TRIM38: variants seen among roughly 807,000 people sequenced by gnomAD.
TRIM38 encodes the protein tripartite motif containing 38.
Under a neutral mutation model 35.8 loss-of-function variants are expected in TRIM38, and 35 were observed. The ratio of observed to expected loss-of-function variants is 0.98; its 90% CI spans 0.75 to 1.30. TRIM38 has a LOEUF of 1.30. TRIM38 is among the 50% of genes most tolerant of loss of function. The pLI is 0.00. For synonymous variants in TRIM38, 198 were observed against 204.7 expected (o/e 0.97, Z 0.28); for missense variants, 545 against 556.9 (o/e 0.98, Z 0.21).
intron 7 of TRIM38, chr6:25,973,734 A>C (rs1760309539): frequency 1.0e-6 from 1 of 985,464 alleles, no homozygotes; most frequent in Non-Finnish European, 1.2e-6. Context: ...ATGCAAGAAA[A>C]GTAGGTGAGT....
Position 25,987,211 on chromosome 6 carries a change from C to CT in TRIM38, c.*3524_*3525insT, listed in dbSNP as rs751872864. The CT allele has an allele frequency of 2.2e-5, 3 of 138,510 alleles. No homozygotes were observed. The highest frequency in any genetic ancestry group is 2.5e-4 in the South Asian group (1 of 3,990). The allele number at this position is 138,510 out of a possible 1,614,324, so 8.6% of individuals were successfully genotyped here. A position where few individuals can be genotyped will look rare whatever the true frequency, so the allele number is the denominator to read the frequency against. ...GCTTAACAAAGGTACTCCCCGCCCC[C>CT]CGCCCGCCACACACCATCCCCAAAA... On this transcript the variant is annotated 3_prime_UTR_variant, in exon 8 of 8. Transcript: ENST00000357085.
Position 25,983,518 on chromosome 6 carries a change from T to G in TRIM38, c.1229T>G (p.Leu410Arg), listed in dbSNP as rs1221661973. 1 of 1,614,096 alleles carries G rather than the reference T, an allele frequency of 6.2e-7. No homozygotes were observed. The change falls in exon 8 of 8, where the codon CTG becomes CGG. Residue 410 changes from leucine (L) to arginine (R), a missense_variant. Leu to Arg is a moderately radical substitution (Grantham distance 102). Coordinates refer to ENST00000357085, the MANE Select transcript of TRIM38 (RefSeq NM_006355.5). ...TCCCTTCATCTGCATGAGCAGCCCC[T>G]GCTTGTGGGAATTTTTCTGGACTAT... The part of the protein sequence containing the change: ...PTSLHLHEQP[L>R]LVGIFLDYEA...
Position 25,968,757 on chromosome 6 carries a change from A to C in TRIM38, c.412-568A>C, listed in dbSNP as rs979451387. ...TGACATGAATACTAAATCATTTTAA[A>C]TTGGATTCATGATACCATTGTTCAA... On this transcript the variant is annotated intron_variant, in intron 3 of 7. Coordinates refer to ENST00000357085, the MANE Select transcript of TRIM38 (RefSeq NM_006355.5). Among the ~76,000 whole-genome samples, 6 of 152,226 alleles carry C rather than the reference A, an allele frequency of 3.9e-5. No individual in the cohort carries two copies. In the East Asian group the frequency reaches 5.8e-4, roughly 15 times the overall value.
chr6:25,963,526 G>A (rs780788600), intron 2 of TRIM38, among the ~76,000 whole-genome samples: 2 of 152,006 alleles, frequency 1.3e-5, no homozygotes, highest in Non-Finnish European at 2.9e-5. Flanking sequence ...ACCTCCTTGG[G>A]TCTGCAAACT....
At chr6:25,977,113 G>GT (rs1407548405) in intron 7 of TRIM38, among the ~76,000 whole-genome samples, 1 of 152,142 alleles carries the variant, frequency 6.6e-6, no homozygotes, top group Non-Finnish European at 1.5e-5. Context: ...TTTTCATCCT[G>GT]TTTTTTGATA....
chr6:25,978,097 T>TACACAC (rs996587948), intron 7 of TRIM38, among the ~76,000 whole-genome samples: 3 of 151,982 alleles, frequency 2.0e-5, no homozygotes, highest in African/African-American at 7.3e-5. Context: ...TATATACACA[T>TACACAC]ACACACATAT....
At chr6:25,973,013 C>A (rs771276197) in intron 5 of TRIM38, 41 bp from the exon 6 acceptor site, 129 of 1,613,418 alleles carry the variant, frequency 8.0e-5, no homozygotes, top group Non-Finnish European at 1.1e-4. Context: ...CATGAAATAC[C>A]GATGTTCCCA....
intron 7 of TRIM38, chr6:25,973,613 A>G (rs982076919): frequency 1.2e-5 from 12 of 978,986 alleles, no homozygotes; most frequent in Non-Finnish European, 1.3e-5. Flanking sequence ...AAATGCATCA[A>G]CATGTACAAA....
chr6:25,983,298 T>C lies in TRIM38; in HGVS notation c.1009T>C (p.Leu337=). 6.2e-7 allele frequency: 1 copy of C among 1,614,140 alleles called. No individual in the cohort carries two copies. The highest frequency in any genetic ancestry group is 8.5e-7 in the Non-Finnish European group (1 of 1,180,012). The change falls in exon 8 of 8, where the codon TTG becomes CTG. Residue 337 remains leucine (L), a synonymous_variant. Coordinates refer to ENST00000357085, the MANE Select transcript of TRIM38 (RefSeq NM_006355.5). ...SRRFTAFPCV[L]GCEGFTSGRR... ...GAGATTTACTGCCTTCCCCTGTGTC[T>C]TGGGTTGTGAAGGCTTCACCTCAGG...
rs995457122 is a variant in TRIM38 at position 25,983,230 on chromosome 6, T to G, written c.941T>G (p.Val314Gly). 1 of 1,613,894 alleles carries G rather than the reference T, an allele frequency of 6.2e-7. No individual in the cohort carries two copies. Among genetic ancestry groups the G allele is most frequent in the African/African-American group, 1.3e-5 (1 of 74,928 alleles). Residue 314 changes from valine to glycine, a missense_variant, in exon 8 of 8, where the codon GTG becomes GGG. Coordinates refer to ENST00000357085, the MANE Select transcript of TRIM38 (RefSeq NM_006355.5). ...ATTCTCTCTGAGGATCGGAGACAAG[T>G]GACTCGTGGATACACCCAGGAGAAT... ...ELILSEDRRQ[V>G]TRGYTQENQD...
Position 25,966,528 on chromosome 6 carries a change from C to T in TRIM38, c.6C>T (p.Ala2=), listed in dbSNP as rs369629021. Residue 2 remains alanine, a synonymous_variant, in exon 3 of 8, where the codon GCC becomes GCT. Coordinates refer to ENST00000357085, the MANE Select transcript of TRIM38 (RefSeq NM_006355.5). ...GGAGCTTTTCAATAAAAGCTATGGCCTCAACCACCAGCACCAAGAAGATGA... is the reference window on the plus strand; with the variant it reads ...GGAGCTTTTCAATAAAAGCTATGGCTTCAACCACCAGCACCAAGAAGATGA... M[A]STTSTKKMME... is the part of the protein sequence containing the mutation. 7.5e-6 allele frequency: 12 copies of T among 1,603,222 alleles called. No homozygotes were observed. Among genetic ancestry groups the T allele is most frequent in the Non-Finnish European group, 9.4e-6 (11 of 1,173,652 alleles).
chr6:25,965,519 G>A (rs989231942), intron 2 of TRIM38, among the ~76,000 whole-genome samples: 1 of 152,176 alleles, frequency 6.6e-6, no homozygotes, highest in Admixed American at 6.5e-5. Flanking sequence ...CACTCTGCCA[G>A]GGTGAGGCAG....
rs1302013188 is a variant in TRIM38, at chr6:25,985,546, G to A, written c.*1859G>A. 6.6e-6 allele frequency: 1 copy of A among 152,114 alleles called. No individual in the cohort carries two copies. Among genetic ancestry groups the A allele is most frequent in the African/African-American group, 2.4e-5 (1 of 41,402 alleles). 9.4% of individuals were successfully genotyped at this position (152,114 alleles called of 1,614,324 possible). A position where few individuals can be genotyped will look rare whatever the true frequency, so the allele number is the denominator to read the frequency against. The stretch of plus-strand genomic sequence containing the variant: ...AGTCTACTTGATAGGGCCACAGATG[G>A]AGAACCTAAGATGAATAGAAAAAAA... On this transcript the variant is annotated 3_prime_UTR_variant, in exon 8 of 8. Transcript: ENST00000357085.
Position 25,966,505 on chromosome 6 carries a change from A to G in TRIM38, c.-18A>G. ...TCTCCATCTCTAGAGCCAATATTGG[A>G]GCTTTTCAATAAAAGCTATGGCCTC... On this transcript the variant is annotated 5_prime_UTR_variant, in exon 3 of 8. Transcript: ENST00000357085. The G allele has an allele frequency of 1.3e-6, 2 of 1,575,632 alleles. No individual in the cohort carries two copies. The highest frequency in any genetic ancestry group is 1.7e-6 in the Non-Finnish European group (2 of 1,161,526).
rs1760795454 is a variant in TRIM38, at chr6:25,989,682, A to G, written c.*5995A>G. ...TGGTATTCTTTAGCAACTGTTTGGT[A>G]ACTTAATCTTTCACTTTTTGAAAAC... On this transcript the variant is annotated 3_prime_UTR_variant, in exon 8 of 8. Transcript: ENST00000357085. 6.6e-6 allele frequency: 1 copy of G among 151,860 alleles called. No homozygotes were observed. The highest frequency in any genetic ancestry group is 2.1e-4 in the South Asian group (1 of 4,822). The allele number at this position is 151,860 out of a possible 1,614,324, so 9.4% of individuals were successfully genotyped here.
At chr6:25,966,286 G>T (rs1760039524) in intron 2 of TRIM38, 49 bp from the exon 3 acceptor site, 1 of 439,346 alleles carries the variant, frequency 2.3e-6, no homozygotes, top group Non-Finnish European at 4.0e-6. Context: ...TTGGGTTGCA[G>T]TTCTCAAACG....
chr6:25,965,302 G>A (rs769081181), intron 2 of TRIM38, among the ~76,000 whole-genome samples: 7 of 152,104 alleles, frequency 4.6e-5, no homozygotes, highest in African/African-American at 7.2e-5. Flanking sequence ...CAACTATTAA[G>A]CAATCAAAAT....
At position 25,990,238 on chromosome 6, in the gene TRIM38, T is replaced by C. The variant is rs762644349; in HGVS notation, c.*6551T>C. 2.0e-5 allele frequency: 3 copies of C among 152,236 alleles called. No homozygotes were observed. The highest frequency in any genetic ancestry group is 2.9e-5 in the Non-Finnish European group (2 of 68,044). 9.4% of individuals were successfully genotyped at this position (152,236 alleles called of 1,614,324 possible). A position where few individuals can be genotyped will look rare whatever the true frequency, so the allele number is the denominator to read the frequency against. On this transcript the variant is annotated 3_prime_UTR_variant, in exon 8 of 8. Transcript: ENST00000357085. ...ACTCTCCTTTTTATCTTTATTGTTC[T>C]GGTTATAGGACTAGCTTTGCATCTC...
At position 25,987,457 on chromosome 6, in the gene TRIM38, T is replaced by C. The variant is rs1221930942; in HGVS notation, c.*3770T>C. 1 of 152,082 alleles carries C rather than the reference T, an allele frequency of 6.6e-6. No homozygotes were observed. The allele number at this position is 152,082 out of a possible 1,614,324, so 9.4% of individuals were successfully genotyped here. On this transcript the variant is annotated 3_prime_UTR_variant, in exon 8 of 8. Coordinates refer to ENST00000357085, the MANE Select transcript of TRIM38 (RefSeq NM_006355.5). ...CTGGTCTTTTCTTATAAGGGACCAG[T>C]CCCATCATGCCCATCATGAAGACTC...
Sources: allele counts gnomAD v4.1 joint callset (sites outside exome capture counted in the v4.1 genomes callset), GRCh38; gene constraint gnomAD v4.1.1; transcripts MANE v1.5; gene names NCBI Gene and HGNC (gene_info 2026-07-23, HGNC 2026-07-21).